Variants in KAT2B observed in about 807,000 individuals in gnomAD.
KAT2B encodes the protein lysine acetyltransferase 2B.
Under a neutral mutation model 105.9 loss-of-function variants are expected in KAT2B, and 36 were observed. That is an observed-to-expected ratio of 0.34 (90% confidence interval 0.26 to 0.45). The LOEUF is 0.45. Ranked by LOEUF, KAT2B falls within the 20% of genes least tolerant of loss-of-function variation. The probability of loss-of-function intolerance (pLI) is 1.00; values close to 1 mark genes in which losing one functional copy is unlikely to be tolerated. For synonymous variants in KAT2B, 397 were observed against 377.9 expected, an observed-to-expected ratio of 1.05 and a Z score of -0.59; for missense variants, 820 against 1,021.6, an observed-to-expected ratio of 0.80 and a Z score of 2.69.
At chr3:20,084,227 G>A (rs1169937801) in intron 2 of KAT2B, among the ~76,000 whole-genome samples, 3 of 152,072 alleles carry the variant, frequency 2.0e-5, no homozygotes, top group South Asian at 2.1e-4. Flanking sequence ...AACTTGTCTG[G>A]ACCTTTTTCC....
At chr3:20,118,886 A>T (rs988802229) in intron 7 of KAT2B, among the ~76,000 whole-genome samples, 1 of 151,408 alleles carries the variant, frequency 6.6e-6, no homozygotes, top group Non-Finnish European at 1.5e-5. Flanking sequence ...GATGTCTCTC[A>T]TGTATTCTCT....
rs1204967745 is a variant in KAT2B, at chr3:20,040,597, C to T, written c.120C>T (p.Ser40=). 26 of 1,281,778 alleles carry T rather than the reference C, an allele frequency of 2.0e-5. No homozygotes were observed. In the East Asian group the frequency reaches 4.6e-4, roughly 23 times the overall value. 79.4% of individuals were successfully genotyped at this position (1,281,778 alleles called of 1,614,324 possible). ...TTCCGCCCGCGCCCCCGCAGGGCTC[C>T]CCCTGCGCCGCTGCCGCCGGGGGCT... is the stretch of plus-strand genomic sequence containing the variant. ...AALPPAPPQG[S]PCAAAAGGSG... is the part of the protein sequence containing the mutation. Residue 40 remains serine, a synonymous_variant, in exon 1 of 18, where the codon TCC becomes TCT. Transcript: ENST00000263754.
chr3:20,113,237 A>G (rs1699151644), intron 6 of KAT2B, among the ~76,000 whole-genome samples: 1 of 152,200 alleles, frequency 6.6e-6, no homozygotes, highest in African/African-American at 2.4e-5. Context: ...TTAGAGATTG[A>G]AGCAGTTTTC....
At chr3:20,118,401 G>C (rs74556792) in intron 7 of KAT2B, among the ~76,000 whole-genome samples, 16,001 of 148,512 alleles carry the variant, frequency 0.11, 1,119 homozygotes, top group Admixed American at 0.16. Flanking sequence ...GGGAAGAGTA[G>C]AGAGAGAGAA....
intron 1 of KAT2B, among the ~76,000 whole-genome samples, chr3:20,042,212 A>G (rs1186245741): frequency 6.6e-6 from 1 of 152,254 alleles, no homozygotes; most frequent in African/African-American, 2.4e-5. Context: ...TCAGACCTGG[A>G]CAATATATTA....
chr3:20,114,450 C>T (rs1277412158), intron 6 of KAT2B, among the ~76,000 whole-genome samples: 1 of 152,068 alleles, frequency 6.6e-6, no homozygotes, highest in African/African-American at 2.4e-5. Context: ...GAATATATAA[C>T]TCATAGGGTT....
At chr3:20,103,650 C>G (rs540590708) in intron 5 of KAT2B, among the ~76,000 whole-genome samples, 54 of 152,234 alleles carry the variant, frequency 3.5e-4, no homozygotes, top group African/African-American at 1.2e-3. Context: ...CTCAAGCAAT[C>G]CTCCCACCTT....
chr3:20,121,324 CAT>C (rs1432193889), intron 8 of KAT2B, among the ~76,000 whole-genome samples: 6 of 152,032 alleles, frequency 3.9e-5, no homozygotes, highest in Non-Finnish European at 8.8e-5. Flanking sequence ...GTGGGATTCA[CAT>C]GTGAGGAAAT....
chr3:20,108,968 A>T (rs1032704816), intron 5 of KAT2B, among the ~76,000 whole-genome samples: 3 of 152,120 alleles, frequency 2.0e-5, no homozygotes, highest in Admixed American at 2.0e-4. Flanking sequence ...TCTCTCATGA[A>T]AGCAATCCCT....
chr3:20,100,426 C>T (rs1698890628), intron 4 of KAT2B, among the ~76,000 whole-genome samples: 1 of 152,098 alleles, frequency 6.6e-6, no homozygotes, highest in African/African-American at 2.4e-5. Context: ...CATTATGATT[C>T]CTGGAAAGAA....
At position 20,101,373 on chromosome 3, in the gene KAT2B, A is replaced by C; in HGVS notation, c.756A>C (p.Leu252=). The C allele has an allele frequency of 6.2e-7, 1 of 1,614,022 alleles. No homozygotes were observed. ...TAGTTGAGTTGGCAAAAATGTTCCTAAACCGCATCAACTATTGGCATCTGG... is the reference window on the plus strand; with the variant it reads ...TAGTTGAGTTGGCAAAAATGTTCCTCAACCGCATCAACTATTGGCATCTGG... The part of the protein sequence containing the change: ...QTIVELAKMF[L]NRINYWHLEA... Residue 252 remains leucine, a synonymous_variant, in exon 5 of 18, where the codon CTA becomes CTC. Transcript: ENST00000263754.
chr3:20,099,900 G>A lies in KAT2B; in HGVS notation c.615G>A (p.Val205=). ...CTATTTTACAAAGAGGAAAACCTGT[G>A]GTTGAAGGCTCTTTGGAAAAGAAAC... ...RKSILQRGKP[V]VEGSLEKKPP... is the part of the protein sequence containing the mutation. Residue 205 remains valine, a synonymous_variant, in exon 4 of 18, where the codon GTG becomes GTA. Transcript: ENST00000263754. The A allele has an allele frequency of 6.2e-7, 1 of 1,608,962 alleles. No homozygotes were observed. Among genetic ancestry groups the A allele is most frequent in the Non-Finnish European group, 8.5e-7 (1 of 1,175,886 alleles).
At chr3:20,122,295 T>G (rs1470596013) in intron 8 of KAT2B, among the ~76,000 whole-genome samples, 1 of 152,208 alleles carries the variant, frequency 6.6e-6, no homozygotes, top group Non-Finnish European at 1.5e-5. Context: ...AAAATTTCAA[T>G]CCATTTTGAC....
intron 1 of KAT2B, among the ~76,000 whole-genome samples, chr3:20,062,229 T>A (rs1188095411): frequency 6.9e-5 from 3 of 43,748 alleles, no homozygotes; most frequent in East Asian, 5.9e-4. Context: ...TATATAAAAA[T>A]ATATATAAAA....
chr3:20,056,674 TGA>T (rs1334128887), intron 1 of KAT2B, among the ~76,000 whole-genome samples: 1 of 151,976 alleles, frequency 6.6e-6, no homozygotes, highest in Non-Finnish European at 1.5e-5. Context: ...TAGGAAGAAA[TGA>T]GTTGATAGAA....
intron 11 of KAT2B, among the ~76,000 whole-genome samples, chr3:20,130,292 A>G (rs1699486084): frequency 6.6e-6 from 1 of 152,204 alleles, no homozygotes; most frequent in Non-Finnish European, 1.5e-5. Flanking sequence ...GTGAAGACCC[A>G]CATTTGCTTG....
intron 5 of KAT2B, among the ~76,000 whole-genome samples, chr3:20,104,736 C>G (rs926531448): frequency 1.3e-5 from 2 of 152,138 alleles, no homozygotes; most frequent in Non-Finnish European, 2.9e-5. Flanking sequence ...GTGGAAAAGA[C>G]TGGACTTAGA....
rs868646660 is a variant in KAT2B at position 20,040,848 on chromosome 3, C to T, written c.303+68C>T. ...CCCAGCCCGCGGGACCCCCCTCCCCCTCCCGCTTCCACCTCCGCCTCCCGC... is the reference window on the plus strand; with the variant it reads ...CCCAGCCCGCGGGACCCCCCTCCCCTTCCCGCTTCCACCTCCGCCTCCCGC... On this transcript the variant is annotated intron_variant, in intron 1 of 17. Coordinates refer to ENST00000263754, the MANE Select transcript of KAT2B (RefSeq NM_003884.5). 5.0e-5 allele frequency: 74 copies of T among 1,465,916 alleles called. No individual in the cohort carries two copies. The Middle Eastern group carries it at 2.6e-3, about 51-fold the overall frequency. The allele number at this position is 1,465,916 out of a possible 1,614,324, so 90.8% of individuals were successfully genotyped here. A position where few individuals can be genotyped will look rare whatever the true frequency, so the allele number is the denominator to read the frequency against.
intron 1 of KAT2B, among the ~76,000 whole-genome samples, chr3:20,045,159 C>T (rs1012998436): frequency 6.6e-6 from 1 of 151,940 alleles, no homozygotes; most frequent in Non-Finnish European, 1.5e-5. Flanking sequence ...AGACCACAGG[C>T]ATGCACCACC....
Sources: allele counts gnomAD v4.1 joint callset (sites outside exome capture counted in the v4.1 genomes callset), GRCh38; gene constraint gnomAD v4.1.1; transcripts MANE v1.5; gene names NCBI Gene and HGNC (gene_info 2026-07-23, HGNC 2026-07-21).